Variants in PCDH15 observed in about 807,000 individuals in gnomAD.
The protein encoded by PCDH15 is protocadherin related 15.
A neutral mutation model predicts 178.5 loss-of-function variants in PCDH15; 129 were observed. The observed-to-expected ratio is 0.72, with a 90% CI of 0.63 to 0.84. The LOEUF (loss-of-function observed/expected upper bound fraction) is 0.84, where lower values mean the gene tolerates loss of function less well. Among genes scored for constraint, PCDH15 ranks in the 40% least tolerant of loss-of-function variants. The probability of loss-of-function intolerance (pLI) is 0.00; values close to 1 mark genes in which losing one functional copy is unlikely to be tolerated. For synonymous variants in PCDH15, 800 were observed against 732.0 expected (o/e 1.09, Z -1.50); for missense variants, 2,230 against 2,099.9 (o/e 1.06, Z -1.21).
At chr10:54,085,897 A>G (rs2094507289) in intron 16 of PCDH15, among the ~76,000 whole-genome samples, 2 of 152,204 alleles carry the variant, frequency 1.3e-5, no homozygotes, top group Admixed American at 6.5e-5. Flanking sequence ...GAGAATTTGC[A>G]TTATAGCATA....
intron 20 of PCDH15, among the ~76,000 whole-genome samples, chr10:54,008,790 T>C (rs17709865): frequency 0.33 from 50,444 of 152,036 alleles, 10,148 homozygotes; most frequent in Middle Eastern, 0.55. Flanking sequence ...TTTTAACTGT[T>C]CAATTCCACC....
At chr10:54,243,147 T>A (rs2055577310) in intron 8 of PCDH15, among the ~76,000 whole-genome samples, 1 of 152,196 alleles carries the variant, frequency 6.6e-6, no homozygotes, top group African/African-American at 2.4e-5. Flanking sequence ...TACATTTAAG[T>A]AGGTGCTTTT....
At chr10:54,985,312 A>G (rs527419576) in intron 2 of PCDH15, among the ~76,000 whole-genome samples, 2 of 152,284 alleles carry the variant, frequency 1.3e-5, no homozygotes, top group Admixed American at 1.3e-4. Context: ...TGATATACAC[A>G]TATATTCACA....
chr10:54,659,768 A>AG (rs2094462617), intron 2 of PCDH15, among the ~76,000 whole-genome samples: 1 of 54,892 alleles, frequency 1.8e-5, no homozygotes, highest in Middle Eastern at 0.013. Flanking sequence ...AAAAAAAAAA[A>AG]TACATATCAG....
At chr10:54,450,570 C>G (rs1037552877) in intron 3 of PCDH15, among the ~76,000 whole-genome samples, 1 of 151,580 alleles carries the variant, frequency 6.6e-6, no homozygotes, top group Non-Finnish European at 1.5e-5. Flanking sequence ...TTAACCCTGC[C>G]TCTTCTCTTA....
chr10:54,369,311 T>C (rs752377142), intron 4 of PCDH15, 36 bp from the exon 5 acceptor site: 2 of 1,598,644 alleles, frequency 1.3e-6, no homozygotes, highest in Admixed American at 1.7e-5. Flanking sequence ...AAAATACTAA[T>C]TAAAAACAAA....
chr10:55,621,430 C>T (rs1837385081), intron 2 of PCDH15, among the ~76,000 whole-genome samples: 1 of 152,196 alleles, frequency 6.6e-6, no homozygotes, highest in Non-Finnish European at 1.5e-5. Flanking sequence ...GGGCTGCAGA[C>T]CAGTTACCTG....
intron 3 of PCDH15, among the ~76,000 whole-genome samples, chr10:54,891,021 AT>A (rs1422171689): frequency 6.6e-6 from 1 of 152,110 alleles, no homozygotes; most frequent in Non-Finnish European, 1.5e-5. Flanking sequence ...GAAAAATAAT[AT>A]CAGAAAAGGG....
intron 3 of PCDH15, among the ~76,000 whole-genome samples, chr10:54,453,924 AC>A (rs1306834485): frequency 7.9e-5 from 12 of 151,862 alleles, no homozygotes; most frequent in Non-Finnish European, 1.6e-4. Context: ...TTTTTAAGCC[AC>A]CATGTTTGAG....
intron 3 of PCDH15, among the ~76,000 whole-genome samples, chr10:54,844,624 C>T (rs1422298501): frequency 6.6e-6 from 1 of 150,856 alleles, no homozygotes; most frequent in East Asian, 1.9e-4. Flanking sequence ...TTTTCTTTTG[C>T]TTTTTTTTTG....
intron 2 of PCDH15, among the ~76,000 whole-genome samples, chr10:54,638,050 C>A (rs770260505): frequency 2.0e-5 from 3 of 151,864 alleles, no homozygotes; most frequent in Non-Finnish European, 4.4e-5. Context: ...AGACAGACAC[C>A]GTGATTTTCT....
chr10:55,490,220 G>A (rs1234024645), intron 2 of PCDH15, among the ~76,000 whole-genome samples: 2 of 151,708 alleles, frequency 1.3e-5, no homozygotes, highest in Non-Finnish European at 2.9e-5. Context: ...TGAATCAAAG[G>A]TTTTGCCACA....
intron 1 of PCDH15, among the ~76,000 whole-genome samples, chr10:54,756,147 G>T (rs1252924724): frequency 6.6e-6 from 1 of 151,688 alleles, no homozygotes; most frequent in African/African-American, 2.4e-5. Flanking sequence ...CTACTCAGGA[G>T]GCTGAGGCAG....
chr10:54,210,440 T>G (rs1316374609), intron 10 of PCDH15, among the ~76,000 whole-genome samples: 1 of 152,102 alleles, frequency 6.6e-6, no homozygotes, highest in East Asian at 1.9e-4. Flanking sequence ...TTTTGCAATC[T>G]GCCCTCCTGT....
intron 26 of PCDH15, among the ~76,000 whole-genome samples, chr10:53,874,515 A>G: frequency 6.6e-6 from 1 of 152,276 alleles, no homozygotes; most frequent in East Asian, 1.9e-4. Flanking sequence ...AATAGGCCTG[A>G]TCTCCACCTG....
rs550808744 is a variant in PCDH15 at position 55,387,147 on chromosome 10, C to CT, written c.-155-220497dup. Reference sequence around the variant, plus strand: ...GAAGAACAAAATAATTTCCAAATGGCTTCCAAATGACTTCAACAAACTAAC... The same window carrying CT: ...GAAGAACAAAATAATTTCCAAATGGCTTTCCAAATGACTTCAACAAACTAAC... On this transcript the variant is annotated intron_variant, in intron 2 of 5. Transcript: ENST00000613346. 1.1e-4 allele frequency among the ~76,000 whole-genome samples: 17 copies of CT among 152,158 alleles called. No homozygotes were observed. In the South Asian group the frequency reaches 1.5e-3, roughly 13 times the overall value.
rs531899421 is a variant in PCDH15 at position 55,248,757 on chromosome 10, A to T, written c.-156+70842T>A. On this transcript the variant is annotated intron_variant, in intron 1 of 5. Coordinates refer to the PCDH15 transcript ENST00000458638. ...TTTTTTGTAGAGACAGGGTTTTGCC[A>T]TGTTGCCCAGGCTGGTCTCCAACTC... is the stretch of plus-strand genomic sequence containing the variant. Among the ~76,000 whole-genome samples the T allele has an allele frequency of 2.6e-5, 4 of 152,054 alleles. No individual in the cohort carries two copies. The South Asian group carries it at 8.3e-4, about 32-fold the overall frequency.
intron 2 of PCDH15, among the ~76,000 whole-genome samples, chr10:55,396,387 C>A (rs1296212066): frequency 6.6e-6 from 1 of 152,142 alleles, no homozygotes; most frequent in African/African-American, 2.4e-5. Flanking sequence ...AATATTCACA[C>A]CATCCAGAAT....
intron 21 of PCDH15, among the ~76,000 whole-genome samples, chr10:53,980,711 T>G (rs925382030): frequency 6.6e-6 from 1 of 152,202 alleles, no homozygotes; most frequent in African/African-American, 2.4e-5. Flanking sequence ...TTAAAGAGGT[T>G]AATTAACTGC....
Sources: gnomAD v4.1 joint callset for allele counts (sites outside exome capture counted in the v4.1 genomes callset) on GRCh38, gnomAD v4.1.1 for gene constraint, MANE v1.5 for transcripts, NCBI Gene and HGNC (gene_info 2026-07-23, HGNC 2026-07-21) for gene names.